The following DNAH14 variants were observed in gnomAD, a reference collection of about 807,000 sequenced individuals.
DNAH14 encodes the protein axonemal beta dynein heavy chain 14.
Under a neutral mutation model 520.9 loss-of-function variants are expected in DNAH14, and 478 were observed. The observed-to-expected ratio is 0.92, with a 90% CI of 0.85 to 0.99. DNAH14 has a LOEUF of 0.99. Among genes scored for constraint, DNAH14 ranks in the 50% least tolerant of loss-of-function variants. DNAH14 has a pLI of 0.00. For synonymous variants in DNAH14, 1,581 were observed against 1,757.2 expected (o/e 0.90, Z 2.51); for missense variants, 4,831 against 5,234.5 (o/e 0.92, Z 2.38).
chr1:225,238,170 T>C (rs920226295), intron 42 of DNAH14, among the ~76,000 whole-genome samples: 6 of 152,222 alleles, frequency 3.9e-5, no homozygotes, highest in Non-Finnish European at 7.4e-5. Flanking sequence ...GAGAGGTGTT[T>C]CAGTCAGTTG....
chr1:225,101,133 T>C (rs368079852), intron 23 of DNAH14, among the ~76,000 whole-genome samples: 7 of 152,114 alleles, frequency 4.6e-5, no homozygotes, highest in African/African-American at 1.4e-4. Flanking sequence ...TTACCTTTTA[T>C]TTTTTAAAAG....
chr1:225,038,905 A>T, intron 12 of DNAH14, 82 bp downstream of exon 12: 1 of 1,242,734 alleles, frequency 8.0e-7, no homozygotes, highest in Non-Finnish European at 1.1e-6. Flanking sequence ...GTGATTTATG[A>T]TTAATACCCA....
At chr1:225,168,927 G>A (rs1252529431) in intron 36 of DNAH14, among the ~76,000 whole-genome samples, 8 of 152,112 alleles carry the variant, frequency 5.3e-5, no homozygotes, top group African/African-American at 9.7e-5. Flanking sequence ...CACCTCACAC[G>A]GCCGGGTACT....
chr1:225,195,431 G>A lies in DNAH14; in HGVS notation c.5886+2520G>A, dbSNP rs529488623. Reference sequence around the variant, plus strand: ...AGAAAGTCAAATACTACATGTTTTTGCTTATAAATGAGAGCTAAACATTGA... The same window carrying A: ...AGAAAGTCAAATACTACATGTTTTTACTTATAAATGAGAGCTAAACATTGA... On this transcript the variant is annotated intron_variant, in intron 38 of 85. Coordinates refer to ENST00000682510, the MANE Select transcript of DNAH14 (RefSeq NM_001367479.1). Among the ~76,000 whole-genome samples the A allele has an allele frequency of 1.4e-3, 209 of 151,742 alleles. 1 individual carries two copies. The highest frequency in any genetic ancestry group is 6.8e-3 in the Middle Eastern group (2 of 294).
chr1:225,033,919 T>C (rs1170484732), intron 11 of DNAH14, among the ~76,000 whole-genome samples: 1 of 152,216 alleles, frequency 6.6e-6, no homozygotes, highest in African/African-American at 2.4e-5. Context: ...ACATTGATTT[T>C]GTATCCTGCA....
intron 84 of DNAH14, among the ~76,000 whole-genome samples, chr1:225,394,766 C>A (rs535566218): frequency 6.6e-6 from 1 of 151,252 alleles, no homozygotes; most frequent in African/African-American, 2.4e-5. Flanking sequence ...ATTGCTTGAA[C>A]TTGGGAGGCA....
intron 35 of DNAH14, 47 bp from the exon 36 acceptor site, chr1:225,167,892 G>A: frequency 5.4e-6 from 6 of 1,107,172 alleles, no homozygotes; most frequent in Non-Finnish European, 7.6e-6. Flanking sequence ...AAATTTAAGA[G>A]TTTCATTTGC....
intron 17 of DNAH14, among the ~76,000 whole-genome samples, chr1:225,056,181 A>T (rs1049663547): frequency 1.3e-5 from 2 of 151,970 alleles, no homozygotes; most frequent in Non-Finnish European, 2.9e-5. Flanking sequence ...ATTTCTCCAC[A>T]TCCTCTCCAG....
rs1205787052 is a variant in DNAH14 at position 224,938,980 on chromosome 1, G to A, written c.-34+9145G>A. Among the ~76,000 whole-genome samples the A allele has an allele frequency of 2.6e-5, 4 of 152,042 alleles. 1 individual carries two copies. The East Asian group carries it at 7.7e-4, about 29-fold the overall frequency. On this transcript the variant is annotated intron_variant, in intron 1 of 85. Coordinates refer to ENST00000682510, the MANE Select transcript of DNAH14 (RefSeq NM_001367479.1). ...TCACTCATATGTGGGAGCAAAAAAAGTGGCTCTCGTGCAAATAGAGTAGAA... is the reference window on the plus strand; with the variant it reads ...TCACTCATATGTGGGAGCAAAAAAAATGGCTCTCGTGCAAATAGAGTAGAA...
chr1:225,181,756 G>A (rs12068189), intron 36 of DNAH14, among the ~76,000 whole-genome samples: 23,393 of 151,986 alleles, frequency 0.15, 2,082 homozygotes, highest in East Asian at 0.36. Context: ...TCAGATGCAT[G>A]GTTTGCAAAT....
At chr1:224,993,690 G>A (rs754401442) in intron 8 of DNAH14, among the ~76,000 whole-genome samples, 5 of 151,378 alleles carry the variant, frequency 3.3e-5, no homozygotes, top group Non-Finnish European at 5.9e-5. Flanking sequence ...ATTTGTTGCT[G>A]CTCTGGTCTT....
chr1:225,174,025 A>G (rs2083027450), intron 36 of DNAH14, among the ~76,000 whole-genome samples: 1 of 151,948 alleles, frequency 6.6e-6, no homozygotes, highest in Non-Finnish European at 1.5e-5. Flanking sequence ...AAAACCAAAC[A>G]CCGCATGTTC....
intron 83 of DNAH14, among the ~76,000 whole-genome samples, chr1:225,391,086 A>G (rs573159507): frequency 6.6e-6 from 1 of 152,340 alleles, no homozygotes; most frequent in African/African-American, 2.4e-5. Flanking sequence ...AATGTTCATT[A>G]TGGCCAAAAC....
Position 225,170,487 on chromosome 1 carries a change from G to A in DNAH14, c.5535+2459G>A, listed in dbSNP as rs540922971. Among the ~76,000 whole-genome samples the A allele has an allele frequency of 7.9e-4, 120 of 152,222 alleles. 1 individual carries two copies. The highest frequency in any genetic ancestry group is 2.7e-3 in the African/African-American group (113 of 41,526). ...TGGAATCCTAGTCTCTGATAAAACA[G>A]ACTTTAAACCAACAAAGATCAAAAG... On this transcript the variant is annotated intron_variant, in intron 36 of 85. Coordinates refer to ENST00000682510, the MANE Select transcript of DNAH14 (RefSeq NM_001367479.1).
chr1:225,042,385 T>C (rs1007950596), intron 12 of DNAH14, among the ~76,000 whole-genome samples: 81 of 152,196 alleles, frequency 5.3e-4, no homozygotes, highest in Non-Finnish European at 1.3e-4. Context: ...ATATGTATAT[T>C]AAAGTGAAGA....
At chr1:225,149,684 A>C (rs1406550549) in intron 31 of DNAH14, among the ~76,000 whole-genome samples, 1 of 152,092 alleles carries the variant, frequency 6.6e-6, no homozygotes, top group Non-Finnish European at 1.5e-5. Context: ...GGCAACAGTG[A>C]ATGGGATTGT....
intron 54 of DNAH14, among the ~76,000 whole-genome samples, chr1:225,284,498 A>T (rs1031929060): frequency 2.0e-4 from 31 of 152,314 alleles, no homozygotes; most frequent in African/African-American, 6.7e-4. Context: ...TTAGGAATTT[A>T]AAAACTTCCC....
intron 43 of DNAH14, among the ~76,000 whole-genome samples, chr1:225,245,897 A>G (rs1175528506): frequency 6.6e-6 from 1 of 152,176 alleles, no homozygotes; most frequent in Non-Finnish European, 1.5e-5. Flanking sequence ...TGGAACCAAA[A>G]AAGAACCCAT....
At chr1:225,370,393 G>T (rs1575066390) in intron 77 of DNAH14, among the ~76,000 whole-genome samples, 1 of 151,722 alleles carries the variant, frequency 6.6e-6, no homozygotes, top group Non-Finnish European at 1.5e-5. Flanking sequence ...CAGGTGGCAC[G>T]CCTGTACTCC....
Sources: gnomAD v4.1 joint callset for allele counts (sites outside exome capture counted in the v4.1 genomes callset) on GRCh38, gnomAD v4.1.1 for gene constraint, MANE v1.5 for transcripts, NCBI Gene and HGNC (gene_info 2026-07-23, HGNC 2026-07-21) for gene names.